CNTNAP4: variants seen among roughly 807,000 people sequenced by gnomAD.
CNTNAP4 encodes contactin-associated protein-like 4.
CNTNAP4 carries 98 observed loss-of-function variants against 148.4 expected under a neutral mutation model. The ratio of observed to expected loss-of-function variants is 0.66; its 90% CI spans 0.56 to 0.78. The LOEUF (loss-of-function observed/expected upper bound fraction) is 0.78. Among genes scored for constraint, CNTNAP4 ranks in the 30% least tolerant of loss-of-function variants. The probability of loss-of-function intolerance (pLI) is 0.00; values close to 1 mark genes in which losing one functional copy is unlikely to be tolerated. For synonymous variants in CNTNAP4, 730 were observed against 565.1 expected (o/e 1.29, Z -4.14); for missense variants, 1,935 against 1,565.6 (o/e 1.24, Z -3.98).
chr16:76,304,669 T>A (rs1191309325), intron 1 of CNTNAP4, among the ~76,000 whole-genome samples: 1 of 152,128 alleles, frequency 6.6e-6, no homozygotes, highest in African/African-American at 2.4e-5. Context: ...GAATGTGAGG[T>A]CTCATCACTA....
chr16:76,469,564 G>A (rs2081295097), intron 10 of CNTNAP4: 1 of 152,152 alleles, frequency 6.6e-6, no homozygotes, highest in South Asian at 2.1e-4. Flanking sequence ...CATTCATTTG[G>A]TACAAGTATA....
chr16:76,560,024 G>C lies in CNTNAP4; in HGVS notation c.*1341G>C, dbSNP rs912409612. Among the ~76,000 whole-genome samples, 1 of 152,172 alleles carries C rather than the reference G, an allele frequency of 6.6e-6. No individual in the cohort carries two copies. Among genetic ancestry groups the C allele is most frequent in the African/African-American group, 2.4e-5 (1 of 41,458 alleles). ...CTGAATGGTACATTCTGATTAGGGT[G>C]TATTATACACTAGGAGATCAAAGAA... On this transcript the variant is annotated 3_prime_UTR_variant, in exon 24 of 24. Transcript: ENST00000611870.
rs761133076 is a variant in CNTNAP4 at position 76,553,369 on chromosome 16, G to T, written c.3529G>T (p.Ala1177Ser). 2 of 1,612,762 alleles carry T rather than the reference G, an allele frequency of 1.2e-6. No homozygotes were observed. The highest frequency in any genetic ancestry group is 3.3e-5 in the Admixed American group (2 of 59,894). Residue 1177 changes from alanine (A) to serine (S), a missense_variant, in exon 22 of 24, where the codon GCC becomes TCC. Physicochemically the swap from Ala to Ser is moderately conservative, Grantham distance 99. Coordinates refer to ENST00000611870, the MANE Select transcript of CNTNAP4 (RefSeq NM_033401.5). Reference sequence around the variant, plus strand: ...CTCTGCAGTGCAGCTCAGCCACGTGGCCCCTCTGAAGGCAGCTCTGCACCC... The same window carrying T: ...CTCTGCAGTGCAGCTCAGCCACGTGTCCCCTCTGAAGGCAGCTCTGCACCC... The part of the protein sequence containing the change: ...CLSAVQLSHV[A>S]PLKAALHPSH...
At chr16:76,520,346 T>A (rs1229771210) in intron 15 of CNTNAP4, among the ~76,000 whole-genome samples, 1 of 152,166 alleles carries the variant, frequency 6.6e-6, no homozygotes, top group Non-Finnish European at 1.5e-5. Flanking sequence ...AAAAAAGGAG[T>A]GAGAAATTAA....
chr16:76,331,431 A>C (rs1597219014), intron 2 of CNTNAP4, among the ~76,000 whole-genome samples: 1 of 150,584 alleles, frequency 6.6e-6, no homozygotes, highest in South Asian at 2.1e-4. Flanking sequence ...CTCGTGATCC[A>C]CCTGCCTCAG....
intron 15 of CNTNAP4, among the ~76,000 whole-genome samples, chr16:76,512,016 T>C (rs1200775037): frequency 6.6e-6 from 1 of 151,942 alleles, no homozygotes; most frequent in South Asian, 2.1e-4. Context: ...AAAACAGGAA[T>C]GCAAGGCACA....
At chr16:76,383,865 T>G (rs1363258653) in intron 3 of CNTNAP4, among the ~76,000 whole-genome samples, 1 of 152,190 alleles carries the variant, frequency 6.6e-6, no homozygotes, top group Non-Finnish European at 1.5e-5. Flanking sequence ...AGTTCGTCTC[T>G]GAAGGTAGAT....
At position 76,335,571 on chromosome 16, in the gene CNTNAP4, CCT is replaced by C. The variant is rs1220801547; in HGVS notation, c.196+19049_196+19050del. ...TATAAAGAATCACTTTCTCTGAAGC[CCT>C]GTCCTCAAACTAAGTCCAGAGTGAG... On this transcript the variant is annotated intron_variant, in intron 2 of 23. Transcript: ENST00000611870. Among the ~76,000 whole-genome samples, 4 of 152,136 alleles carry C rather than the reference CCT, an allele frequency of 2.6e-5. No homozygotes were observed. The East Asian group carries it at 7.8e-4, about 29-fold the overall frequency.
At chr16:76,367,881 A>G (rs761460749) in intron 3 of CNTNAP4, among the ~76,000 whole-genome samples, 4 of 152,158 alleles carry the variant, frequency 2.6e-5, no homozygotes, top group Admixed American at 2.0e-4. Flanking sequence ...CTGTTCTCCA[A>G]TGTAGCTGGT....
At chr16:76,486,423 C>T (rs1053376767) in intron 12 of CNTNAP4, among the ~76,000 whole-genome samples, 4 of 152,062 alleles carry the variant, frequency 2.6e-5, no homozygotes, top group Admixed American at 6.6e-5. Context: ...AATGTGCATA[C>T]GGAGGCAACA....
Position 76,366,655 on chromosome 16 carries a change from T to C in CNTNAP4, c.390+11144T>C, listed in dbSNP as rs937303072. On this transcript the variant is annotated intron_variant, in intron 3 of 23. Transcript: ENST00000611870. ...ACTATTCTGGGTATGTACTCAGTAG[T>C]GGGATTGCTGGGTCAAATGGTTCTT... 1.8e-4 allele frequency among the ~76,000 whole-genome samples: 28 copies of C among 152,270 alleles called. 1 individual carries two copies. The highest frequency in any genetic ancestry group is 6.7e-4 in the African/African-American group (28 of 41,560).
chr16:76,458,044 T>A (rs2080802840), intron 8 of CNTNAP4, among the ~76,000 whole-genome samples: 1 of 152,172 alleles, frequency 6.6e-6, no homozygotes, highest in Admixed American at 6.5e-5. Context: ...GAGAACATGC[T>A]GTATTTGGTT....
chr16:76,535,689 A>C lies in CNTNAP4; in HGVS notation c.2900A>C (p.Lys967Thr). The C allele has an allele frequency of 1.9e-6, 3 of 1,614,026 alleles. No individual in the cohort carries two copies. The highest frequency in any genetic ancestry group is 2.5e-6 in the Non-Finnish European group (3 of 1,179,896). The part of the protein sequence containing the change: ...GCRGHCSSYG[K>T]LCRNGGKCRE... ...AGGGGACATTGCAGCAGCTATGGGA[A>C]GTTATGCCGCAATGGAGGGAAATGC... The change falls in exon 18 of 24, where the codon AAG (lysine) becomes ACG (threonine). Residue 967 changes from lysine to threonine, a missense_variant. Lys to Thr is a moderately conservative substitution (Grantham distance 78, BLOSUM62 -1). Coordinates refer to ENST00000611870, the MANE Select transcript of CNTNAP4 (RefSeq NM_033401.5).
intron 3 of CNTNAP4, among the ~76,000 whole-genome samples, chr16:76,359,566 T>C (rs991753699): frequency 6.6e-6 from 1 of 152,112 alleles, no homozygotes; most frequent in Admixed American, 6.5e-5. Context: ...TTACAGTCTA[T>C]ACAGATCATT....
chr16:76,361,861 T>TA (rs1180245475), intron 3 of CNTNAP4, among the ~76,000 whole-genome samples: 3 of 152,190 alleles, frequency 2.0e-5, no homozygotes, highest in Admixed American at 6.5e-5. Context: ...AAATGACAGA[T>TA]ATCCTAACAG....
At chr16:76,355,239 A>T in intron 2 of CNTNAP4, 79 bp from the exon 3 acceptor site, 1 of 1,060,812 alleles carries the variant, frequency 9.4e-7, no homozygotes, top group Non-Finnish European at 1.3e-6. Flanking sequence ...ATACAGTCGT[A>T]CTGGCATTTC....
intron 3 of CNTNAP4, among the ~76,000 whole-genome samples, chr16:76,390,480 C>T (rs1251523265): frequency 6.6e-6 from 1 of 151,818 alleles, no homozygotes; most frequent in Admixed American, 6.6e-5. Context: ...CTGAGAAAAG[C>T]TGGTGTTTCT....
chr16:76,424,587 C>A (rs1390913461), intron 3 of CNTNAP4, among the ~76,000 whole-genome samples: 1 of 151,914 alleles, frequency 6.6e-6, no homozygotes, highest in Non-Finnish European at 1.5e-5. Flanking sequence ...AATCCCATCT[C>A]TAGTAAAAAT....
At chr16:76,515,785 C>G (rs999289336) in intron 15 of CNTNAP4, among the ~76,000 whole-genome samples, 3 of 151,818 alleles carry the variant, frequency 2.0e-5, no homozygotes, top group African/African-American at 2.4e-5. Flanking sequence ...TTACACCTCT[C>G]AAAAGGACTA....
Sources: allele counts gnomAD v4.1 joint callset (sites outside exome capture counted in the v4.1 genomes callset), GRCh38; gene constraint gnomAD v4.1.1; transcripts MANE v1.5; gene names NCBI Gene and HGNC (gene_info 2026-07-23, HGNC 2026-07-21).